The following RUNX1T1 variants were observed in gnomAD, a reference collection of about 807,000 sequenced individuals.
RUNX1T1 encodes protein CBFA2T1.
In RUNX1T1, 4 loss-of-function variants were observed where a neutral mutation model predicts 62.8. The observed-to-expected ratio is 0.06, with a 90% CI of 0.03 to 0.15. The LOEUF (loss-of-function observed/expected upper bound fraction) is 0.15. Ranked by LOEUF, RUNX1T1 falls within the 10% of genes least tolerant of loss-of-function variation. The probability of loss-of-function intolerance (pLI) is 1.00; values close to 1 mark genes in which losing one functional copy is unlikely to be tolerated. For synonymous variants in RUNX1T1, 291 were observed against 286.0 expected (o/e 1.02, Z -0.18); for missense variants, 508 against 754.3 (o/e 0.67, Z 3.82).
exon 1 of RUNX1T1, chr8:92,062,704 G>C: frequency 6.3e-7 from 1 of 1,581,624 alleles, no homozygotes; most frequent in Non-Finnish European, 8.7e-7. Flanking sequence ...TGCTGGGCGC[G>C]TGCGCCTGCC....
chr8:92,076,237 T>C, intron 1 of RUNX1T1, 100 bp from the exon 2 acceptor site: 2 of 932,806 alleles, frequency 2.1e-6, no homozygotes, highest in Admixed American at 4.1e-5. Context: ...AGTTTTGTTA[T>C]GTTTTGTTTA....
intron 10 of RUNX1T1, among the ~76,000 whole-genome samples, chr8:91,962,837 C>T (rs1294374828): frequency 6.6e-6 from 1 of 152,196 alleles, no homozygotes; most frequent in Non-Finnish European, 1.5e-5. Context: ...AGTCAAGTGG[C>T]TTCTTTAGGA....
At chr8:91,983,702 A>T (rs186429571) in intron 8 of RUNX1T1, among the ~76,000 whole-genome samples, 13 of 152,208 alleles carry the variant, frequency 8.5e-5, no homozygotes, top group Non-Finnish European at 1.5e-4. Context: ...TCAGCCAATA[A>T]TCTCCAATCC....
chr8:92,077,974 T>G (rs1834682436), intron 1 of RUNX1T1, among the ~76,000 whole-genome samples: 1 of 152,168 alleles, frequency 6.6e-6, no homozygotes, highest in Non-Finnish European at 1.5e-5. Flanking sequence ...TTAACTTCAC[T>G]TGTATCTATT....
chr8:91,957,271 G>T (rs1380902470), downstream of RUNX1T1: 4 of 224,440 alleles, frequency 1.8e-5, no homozygotes, highest in Non-Finnish European at 3.6e-5. Context: ...TTGTTACCAA[G>T]AAGTGATATG....
At chr8:92,042,173 T>C (rs1177666792) in intron 1 of RUNX1T1, among the ~76,000 whole-genome samples, 1 of 152,138 alleles carries the variant, frequency 6.6e-6, no homozygotes, top group African/African-American at 2.4e-5. Context: ...GGTTTTATTA[T>C]TTGAAGGTAA....
At chr8:92,026,026 C>T (rs1825072351) in intron 1 of RUNX1T1, among the ~76,000 whole-genome samples, 1 of 152,178 alleles carries the variant, frequency 6.6e-6, no homozygotes, top group Non-Finnish European at 1.5e-5. Flanking sequence ...TGTAGTCATA[C>T]ATGTACACAT....
chr8:91,968,698 A>G (rs1388323169), intron 10 of RUNX1T1, among the ~76,000 whole-genome samples: 1 of 152,200 alleles, frequency 6.6e-6, no homozygotes, highest in Non-Finnish European at 1.5e-5. Context: ...AATGATCCCT[A>G]TGAAAAGATC....
At chr8:91,998,563 T>C (rs2130952426) in intron 5 of RUNX1T1, among the ~76,000 whole-genome samples, 1 of 152,312 alleles carries the variant, frequency 6.6e-6, no homozygotes, top group Middle Eastern at 3.4e-3. Flanking sequence ...CTTCAAGGAT[T>C]GCAATATGCA....
At chr8:92,067,432 T>C (rs1050752367), upstream of RUNX1T1, among the ~76,000 whole-genome samples, 1 of 152,220 alleles carries the variant, frequency 6.6e-6, no homozygotes, top group East Asian at 1.9e-4. Context: ...CAGGTCACTT[T>C]GATTTTTGCA....
At chr8:91,960,222 C>T (rs759966961) in exon 11 of RUNX1T1, 30 of 1,600,426 alleles carry the variant, frequency 1.9e-5, no homozygotes, top group South Asian at 6.7e-5. Context: ...GTCTTTCCTC[C>T]GACAGTTCTG....
At chr8:92,001,068 G>C (rs975020697) in intron 5 of RUNX1T1, among the ~76,000 whole-genome samples, 1 of 152,084 alleles carries the variant, frequency 6.6e-6, no homozygotes, top group African/African-American at 2.4e-5. Flanking sequence ...GTGCATACCT[G>C]TAGTCCTAGC....
At chr8:92,092,775 A>T (rs1837230076) in intron 1 of RUNX1T1, among the ~76,000 whole-genome samples, 2 of 152,364 alleles carry the variant, frequency 1.3e-5, no homozygotes, top group South Asian at 4.1e-4. Flanking sequence ...ATTGCATACT[A>T]CCATTTATCT....
chr8:92,034,767 CATAT>C (rs541671575), intron 1 of RUNX1T1, among the ~76,000 whole-genome samples: 30 of 139,584 alleles, frequency 2.1e-4, no homozygotes, highest in African/African-American at 7.5e-4. Flanking sequence ...CACACATATA[CATAT>C]ATATACACAT....
intron 8 of RUNX1T1, among the ~76,000 whole-genome samples, chr8:91,982,140 T>C (rs1815432751): frequency 6.7e-6 from 1 of 150,058 alleles, no homozygotes; most frequent in Non-Finnish European, 1.5e-5. Flanking sequence ...CCCAATTACT[T>C]AGGGGGCTGA....
chr8:92,039,415 C>T (rs1287974114), intron 1 of RUNX1T1, among the ~76,000 whole-genome samples: 1 of 152,166 alleles, frequency 6.6e-6, no homozygotes, highest in African/African-American at 2.4e-5. Context: ...ACCTGACTCT[C>T]TCAAAACCTC....
chr8:92,014,100 T>C (rs917883213), intron 3 of RUNX1T1, among the ~76,000 whole-genome samples: 1 of 152,082 alleles, frequency 6.6e-6, no homozygotes, highest in African/African-American at 2.4e-5. Context: ...AAAAGAAGAA[T>C]GTGTTGTTAC....
upstream of RUNX1T1, among the ~76,000 whole-genome samples, chr8:92,102,369 TAA>T (rs1355531995): frequency 1.3e-5 from 2 of 149,020 alleles, no homozygotes; most frequent in African/African-American, 5.0e-5. This position sits in a 1 kb window ranked among gnomAD's most constrained non-coding sequence, Gnocchi z 4.5. Context: ...TCCTTAGGGC[TAA>T]GTTTTCCACC....
At chr8:91,990,266 C>T (rs1424980875) in intron 6 of RUNX1T1, among the ~76,000 whole-genome samples, 2 of 152,232 alleles carry the variant, frequency 1.3e-5, no homozygotes, top group Non-Finnish European at 2.9e-5. Flanking sequence ...TCTGTATCCT[C>T]AGCTCCACTT....
Sources: gnomAD v4.1 joint callset for allele counts (sites outside exome capture counted in the v4.1 genomes callset) on GRCh38, gnomAD v4.1.1 for gene constraint, Gnocchi (gnomAD v3.1) non-coding constraint, MANE v1.5 for transcripts, NCBI Gene and HGNC (gene_info 2026-07-23, HGNC 2026-07-21) for gene names.